The following PACS1 variants were observed in gnomAD, a reference collection of about 807,000 sequenced individuals.
PACS1 encodes PACS-1.
Under a neutral mutation model 115.0 loss-of-function variants are expected in PACS1, and 24 were observed. The observed-to-expected ratio is 0.21, with a 90% CI of 0.15 to 0.29. PACS1 has a LOEUF of 0.29. Among genes scored for constraint, PACS1 ranks in the 10% least tolerant of loss-of-function variants. The probability of loss-of-function intolerance (pLI) is 1.00; values close to 1 mark genes in which losing one functional copy is unlikely to be tolerated. For missense variants in PACS1, 838 were observed against 1,251.2 expected (o/e 0.67, Z 4.98); for synonymous variants, 453 against 504.5 (o/e 0.90, Z 1.37).
Position 66,193,513 on chromosome 11 carries a change from C to T in PACS1, c.384C>T (p.Leu128=), listed in dbSNP as rs376034298. ...PRLFSLTLKK[L]VMLKEMDKDL... The stretch of plus-strand genomic sequence containing the variant: ...TATTCAGCTTGACCCTGAAGAAACT[C>T]GTCATGCTAAAAGAAATGGACAAAG... Residue 128 remains leucine, a synonymous_variant, in exon 2 of 24, where the codon CTC becomes CTT. Coordinates refer to ENST00000320580, the MANE Select transcript of PACS1 (RefSeq NM_018026.4). The T allele has an allele frequency of 1.9e-5, 31 of 1,613,296 alleles. No individual in the cohort carries two copies. The highest frequency in any genetic ancestry group is 1.1e-4 in the South Asian group (10 of 91,050).
intron 4 of PACS1, among the ~76,000 whole-genome samples, chr11:66,215,350 C>A (rs1243193527): frequency 1.3e-5 from 2 of 152,000 alleles, no homozygotes; most frequent in African/African-American, 4.8e-5. Flanking sequence ...CGCCTGTAAT[C>A]CCAGCACTTT....
intron 1 of PACS1, among the ~76,000 whole-genome samples, chr11:66,106,388 A>G (rs903939911): frequency 5.9e-5 from 9 of 152,162 alleles, no homozygotes; most frequent in African/African-American, 2.2e-4. Flanking sequence ...CCTGGCCAAC[A>G]TGGTGAAACC....
intron 1 of PACS1, among the ~76,000 whole-genome samples, chr11:66,090,160 C>A (rs181756035): frequency 1.3e-5 from 2 of 151,862 alleles, no homozygotes; most frequent in African/African-American, 4.8e-5. Flanking sequence ...GACACTTTAG[C>A]CATAACTTAC....
rs1313665812 is a variant in PACS1 at position 66,233,399 on chromosome 11, A to T, written c.1838+333A>T. The stretch of plus-strand genomic sequence containing the variant: ...ATCTTTTATTCCTTCCATCTGCAAC[A>T]TGCTGCTAGACACTCAGGAGTCAGT... On this transcript the variant is annotated intron_variant, in intron 15 of 23. Transcript: ENST00000320580. The surrounding 1 kb of genome is among the most constrained non-coding windows in gnomAD (Gnocchi z 4.5). 6.6e-6 allele frequency among the ~76,000 whole-genome samples: 1 copy of T among 152,192 alleles called. No individual in the cohort carries two copies. The highest frequency in any genetic ancestry group is 1.5e-5 in the Non-Finnish European group (1 of 68,032).
chr11:66,216,134 A>C lies in PACS1; in HGVS notation c.676A>C (p.Asn226His), dbSNP rs1175983246. 3.7e-6 allele frequency: 6 copies of C among 1,613,852 alleles called. No homozygotes were observed. Among genetic ancestry groups the C allele is most frequent in the Admixed American group, 1.7e-5 (1 of 59,986 alleles). ...INMAEVMQHP[N>H]EGALVLGLHS... is the part of the protein sequence containing the mutation. Reference sequence around the variant, plus strand: ...TGGCTCCTAGGTGATGCAGCATCCTAATGAAGGCGCACTGGTGCTTGGCCT... The same window carrying C: ...TGGCTCCTAGGTGATGCAGCATCCTCATGAAGGCGCACTGGTGCTTGGCCT... Residue 226 changes from asparagine (N) to histidine (H), a missense_variant, in exon 5 of 24, where the codon AAT becomes CAT. Transcript: ENST00000320580.
chr11:66,191,199 T>C (rs1191175161), intron 1 of PACS1, among the ~76,000 whole-genome samples: 2 of 152,174 alleles, frequency 1.3e-5, no homozygotes, highest in Admixed American at 6.5e-5. Context: ...CCCTCCATCT[T>C]CAAGGCCATC....
intron 1 of PACS1, among the ~76,000 whole-genome samples, chr11:66,087,789 A>G (rs562061273): frequency 1.3e-5 from 2 of 152,340 alleles, no homozygotes; most frequent in South Asian, 4.1e-4. Flanking sequence ...ATTTCTCTGC[A>G]GTATATACCT....
At chr11:66,163,465 A>T (rs2134629000) in intron 1 of PACS1, among the ~76,000 whole-genome samples, 1 of 151,530 alleles carries the variant, frequency 6.6e-6, no homozygotes, top group Admixed American at 6.6e-5. Flanking sequence ...TTGTTTTTGT[A>T]TTGCTGCTAA....
chr11:66,115,735 C>G (rs1858290317), intron 1 of PACS1, among the ~76,000 whole-genome samples: 1 of 152,238 alleles, frequency 6.6e-6, no homozygotes, highest in African/African-American at 2.4e-5. Context: ...GCCTGAGACC[C>G]TGTTTTTCTT....
intron 12 of PACS1, 22 bp downstream of exon 12, chr11:66,230,685 C>CAGATGGAA (rs1212277131): frequency 6.2e-7 from 1 of 1,609,830 alleles, no homozygotes. Context: ...GGAAAGGAAG[C>CAGATGGAA]AGGGGGTACA....
In PACS1 at chr11:66,234,190, C is replaced by T; in HGVS notation, c.2052C>T (p.Phe684=). The part of the protein sequence containing the change: ...GSVDSKYSSS[F]LDSGWRDLFS... Reference sequence around the variant, plus strand: ...TCGACAGTAAATACAGTAGTTCCTTCCTGGATTCTGGTTGGAGAGATCTGT... The same window carrying T: ...TCGACAGTAAATACAGTAGTTCCTTTCTGGATTCTGGTTGGAGAGATCTGT... The change falls in exon 17 of 24, where the codon TTC becomes TTT. Residue 684 remains phenylalanine, a synonymous_variant. Coordinates refer to ENST00000320580, the MANE Select transcript of PACS1 (RefSeq NM_018026.4). 1.2e-6 allele frequency: 2 copies of T among 1,614,142 alleles called. No homozygotes were observed. The highest frequency in any genetic ancestry group is 8.5e-7 in the Non-Finnish European group (1 of 1,179,994).
chr11:66,192,705 C>T (rs1371199616), intron 1 of PACS1, among the ~76,000 whole-genome samples: 1 of 152,204 alleles, frequency 6.6e-6, no homozygotes, highest in Admixed American at 6.5e-5. Flanking sequence ...CTTTGACCAC[C>T]CAGGCAGCCA....
intron 7 of PACS1, 46 bp downstream of exon 7, chr11:66,216,821 TG>T (rs1490393267): frequency 2.1e-6 from 3 of 1,410,768 alleles, no homozygotes; most frequent in African/African-American, 3.1e-5. Context: ...ATTTTCAGTC[TG>T]GGGGTAGGTT....
At chr11:66,104,120 G>A (rs540142210) in intron 1 of PACS1, among the ~76,000 whole-genome samples, 227 of 152,212 alleles carry the variant, frequency 1.5e-3, no homozygotes, top group African/African-American at 5.3e-3. Flanking sequence ...CACTTTAGTT[G>A]GAATTTACAA....
chr11:66,091,043 A>G (rs536210174), intron 1 of PACS1, among the ~76,000 whole-genome samples: 8 of 152,330 alleles, frequency 5.3e-5, no homozygotes, highest in African/African-American at 1.7e-4. Context: ...TTAGCATTAC[A>G]TTTAGCATAC....
In PACS1 at chr11:66,236,762, A is replaced by ATT. The variant is rs1295098437; in HGVS notation, c.2250+823_2250+824dup. ...TCGAAACCAGCTTCTATCTTTTTTT[A>ATT]TTATTTTTTTTTTTTATGAGATGGA... is the stretch of plus-strand genomic sequence containing the variant. On this transcript the variant is annotated intron_variant, in intron 19 of 23. Transcript: ENST00000320580. The surrounding 1 kb of genome is among the most constrained non-coding windows in gnomAD (Gnocchi z 4.2). Among the ~76,000 whole-genome samples the ATT allele has an allele frequency of 1.4e-5, 2 of 145,008 alleles. No individual in the cohort carries two copies. The highest frequency in any genetic ancestry group is 2.6e-5 in the African/African-American group (1 of 38,644).
chr11:66,207,420 T>C (rs1854967666), intron 2 of PACS1, among the ~76,000 whole-genome samples: 1 of 151,034 alleles, frequency 6.6e-6, no homozygotes. Context: ...TGAGCCGAGA[T>C]CACACTACTG....
chr11:66,241,596 G>A lies in PACS1; in HGVS notation c.2599G>A (p.Ala867Thr). The stretch of plus-strand genomic sequence containing the variant: ...GTCCCGCCTGCCCCATAGTGGGGAG[G>A]CCCAGCTTTCTGGCACCATGGCCAT... ...QVSRLPHSGE[A>T]QLSGTMAMTV... Residue 867 changes from alanine (A) to threonine (T), a missense_variant, in exon 22 of 24, where the codon GCC (alanine) becomes ACC (threonine). Ala to Thr is a moderately conservative substitution (Grantham distance 58). Coordinates refer to ENST00000320580, the MANE Select transcript of PACS1 (RefSeq NM_018026.4). The A allele has an allele frequency of 1.2e-6, 2 of 1,614,162 alleles. No homozygotes were observed. The highest frequency in any genetic ancestry group is 1.7e-6 in the Non-Finnish European group (2 of 1,179,988).
chr11:66,190,528 C>T (rs538784724), intron 1 of PACS1, among the ~76,000 whole-genome samples: 59 of 152,208 alleles, frequency 3.9e-4, no homozygotes, highest in African/African-American at 1.1e-3. Flanking sequence ...CGGGTTCAAG[C>T]GATTCTCCTG....
Sources: gnomAD v4.1 joint callset for allele counts (sites outside exome capture counted in the v4.1 genomes callset) on GRCh38, gnomAD v4.1.1 for gene constraint, Gnocchi (gnomAD v3.1) non-coding constraint, MANE v1.5 for transcripts, NCBI Gene and HGNC (gene_info 2026-07-23, HGNC 2026-07-21) for gene names.